The following CFAP92 variants were observed in gnomAD, a reference collection of about 807,000 sequenced individuals.
The protein encoded by CFAP92 is cilia and flagella associated protein 92 (putative).
Under a neutral mutation model 106.3 loss-of-function variants are expected in CFAP92, and 86 were observed. That is an observed-to-expected ratio of 0.81 (90% CI 0.68 to 0.97). The LOEUF (loss-of-function observed/expected upper bound fraction) is 0.97, where lower values mean the gene tolerates loss of function less well. Among genes scored for constraint, CFAP92 ranks in the 50% least tolerant of loss-of-function variants. The probability of loss-of-function intolerance (pLI) is 0.00; values close to 1 mark genes in which losing one functional copy is unlikely to be tolerated. For missense variants in CFAP92, 1,204 were observed against 1,283.8 expected (o/e 0.94, Z 0.95); for synonymous variants, 477 against 506.4 (o/e 0.94, Z 0.78).
At chr3:128,940,469 C>T (rs147399811) in intron 10 of CFAP92, among the ~76,000 whole-genome samples, 156 of 152,342 alleles carry the variant, frequency 1.0e-3, no homozygotes, top group African/African-American at 3.6e-3. Flanking sequence ...GATTTCTCCA[C>T]ATCCTTGCCA....
At chr3:129,001,397 G>A (rs961852702) in intron 1 of CFAP92, among the ~76,000 whole-genome samples, 2 of 152,236 alleles carry the variant, frequency 1.3e-5, no homozygotes, top group Non-Finnish European at 1.5e-5. Context: ...TGGTGGCGCT[G>A]CCGGGGTCCC....
chr3:129,017,739 T>A, the CFAP92 span, among the ~76,000 whole-genome samples: 6 of 139,034 alleles, frequency 4.3e-5, no homozygotes, highest in Non-Finnish European at 8.8e-5. Context: ...TAGACAGGGA[T>A]AATCCCGTCT....
At chr3:128,912,101 C>CT (rs1936388534) in intron 15 of CFAP92, among the ~76,000 whole-genome samples, 1 of 152,210 alleles carries the variant, frequency 6.6e-6, no homozygotes, top group South Asian at 2.1e-4. Context: ...CACTGTGGCA[C>CT]TTGCTGAGAG....
chr3:128,964,783 C>A (rs1942240742), intron 9 of CFAP92, among the ~76,000 whole-genome samples: 1 of 151,978 alleles, frequency 6.6e-6, no homozygotes, highest in African/African-American at 2.4e-5. Context: ...ACCACAAGAC[C>A]TCCCTTCAGC....
At chr3:128,993,689 C>T (rs13073195) in intron 1 of CFAP92, 10,007 of 324,876 alleles carry the variant, frequency 0.031, 221 homozygotes, top group Non-Finnish European at 0.043. Context: ...TCAGGCAGGC[C>T]TGCTGCGCCT....
intron 12 of CFAP92, among the ~76,000 whole-genome samples, chr3:128,926,246 CGCCTGTA>C (rs58190595): frequency 0.43 from 65,483 of 151,720 alleles, 16,585 homozygotes; most frequent in African/African-American, 0.7. Flanking sequence ...TGGTGGCTCA[CGCCTGTA>C]GCCTGTAATC....
At chr3:128,992,972 C>T in intron 2 of CFAP92, 71 bp downstream of exon 2, 4 of 1,569,752 alleles carry the variant, frequency 2.5e-6, no homozygotes, top group Non-Finnish European at 3.5e-6. Context: ...GGTGTATGCG[C>T]CCTAAACTCC....
chr3:128,934,742 G>T (rs1041807121), intron 11 of CFAP92, among the ~76,000 whole-genome samples: 2 of 152,078 alleles, frequency 1.3e-5, no homozygotes, highest in Admixed American at 1.3e-4. Context: ...TGTTGCCTAG[G>T]CTGGTCTCAA....
chr3:128,961,421 C>G (rs988377126), intron 9 of CFAP92, among the ~76,000 whole-genome samples: 2 of 152,084 alleles, frequency 1.3e-5, no homozygotes, highest in African/African-American at 4.8e-5. Flanking sequence ...AGCTAGGTCC[C>G]AATTCTTCCT....
At chr3:128,921,778 A>G (rs1937308951) in intron 12 of CFAP92, among the ~76,000 whole-genome samples, 1 of 152,184 alleles carries the variant, frequency 6.6e-6, no homozygotes, top group Admixed American at 6.5e-5. Context: ...GGCCTGCCTC[A>G]GGCCCCTCAA....
At position 128,987,779 on chromosome 3, in the gene CFAP92, C is replaced by T; in HGVS notation, c.504G>A (p.Gln168=). ...CCTTTGTCACAGTGATATTAAAAGTCTGCTCCCACGACACCCAGGCTTTGT... is the reference window on the plus strand; with the variant it reads ...CCTTTGTCACAGTGATATTAAAAGTTTGCTCCCACGACACCCAGGCTTTGT... ...EGDKAWVSWE[Q]TFNITVTKEL... The change falls in exon 4 of 16, where the codon CAG becomes CAA. Residue 168 remains glutamine (Q), a synonymous_variant. Transcript: ENST00000645291. The T allele has an allele frequency of 6.2e-7, 1 of 1,613,642 alleles. No individual in the cohort carries two copies.
the CFAP92 span, among the ~76,000 whole-genome samples, chr3:129,020,306 C>G: frequency 6.6e-6 from 1 of 152,188 alleles, no homozygotes. Context: ...TTAGCCCTGA[C>G]TTGCACCCTA....
At chr3:128,924,559 C>G (rs555048963) in intron 12 of CFAP92, among the ~76,000 whole-genome samples, 2 of 148,894 alleles carry the variant, frequency 1.3e-5, no homozygotes, top group South Asian at 4.3e-4. Flanking sequence ...ATTCTCCTGC[C>G]TCAGCCTCCC....
At chr3:128,960,380 T>C (rs1047837964) in intron 9 of CFAP92, among the ~76,000 whole-genome samples, 1 of 152,174 alleles carries the variant, frequency 6.6e-6, no homozygotes, top group Non-Finnish European at 1.5e-5. Context: ...CCAAGAAACA[T>C]CTCACCAATT....
intron 2 of CFAP92, chr3:128,991,447 C>G (rs568932569): frequency 6.5e-6 from 1 of 152,982 alleles, no homozygotes; most frequent in African/African-American, 2.4e-5. Context: ...CCTCCCTTCT[C>G]AAGCCTAGTC....
At chr3:128,946,044 G>A in intron 9 of CFAP92, 69 bp from the exon 10 acceptor site, 1 of 1,183,268 alleles carries the variant, frequency 8.5e-7, no homozygotes, top group Non-Finnish European at 1.1e-6. Context: ...AGCATGAGGA[G>A]CTCAAATCCC....
chr3:128,971,463 T>C (rs768461431), intron 7 of CFAP92, 30 bp from the exon 8 acceptor site: 1 of 1,531,370 alleles, frequency 6.5e-7, no homozygotes, highest in East Asian at 2.3e-5. Flanking sequence ...AGATGAGCAT[T>C]AAGAGGAGAC....
intron 15 of CFAP92, chr3:128,912,777 G>A (rs113196452): frequency 2.1e-5 from 16 of 752,858 alleles, no homozygotes; most frequent in African/African-American, 5.1e-5. Context: ...TCCAGGTTTT[G>A]ACCTGCAGGC....
At chr3:128,950,627 G>A (rs1370914089) in intron 9 of CFAP92, among the ~76,000 whole-genome samples, 1 of 152,182 alleles carries the variant, frequency 6.6e-6, no homozygotes, top group Non-Finnish European at 1.5e-5. Flanking sequence ...AAGAGACAAA[G>A]CAAACAACAA....
Sources: allele counts gnomAD v4.1 joint callset (sites outside exome capture counted in the v4.1 genomes callset), GRCh38; gene constraint gnomAD v4.1.1; transcripts MANE v1.5; gene names NCBI Gene and HGNC (gene_info 2026-07-23, HGNC 2026-07-21).